Variants in TFCP2L1 observed in about 807,000 individuals in gnomAD.
TFCP2L1 encodes transcription factor CP2 like 1.
In TFCP2L1, 12 loss-of-function variants were observed where a neutral mutation model predicts 72.2. That is an observed-to-expected ratio of 0.17 (90% CI 0.11 to 0.27). The LOEUF is 0.27. Ranked by LOEUF, TFCP2L1 falls within the 10% of genes least tolerant of loss-of-function variation. The pLI is 1.00. For missense variants in TFCP2L1, 488 were observed against 624.6 expected, an observed-to-expected ratio of 0.78 and a Z score of 2.33; for synonymous variants, 260 against 251.0, an observed-to-expected ratio of 1.04 and a Z score of -0.34.
chr2:121,273,799 C>T (rs988674977), intron 2 of TFCP2L1, among the ~76,000 whole-genome samples: 1 of 152,150 alleles, frequency 6.6e-6, no homozygotes, highest in African/African-American at 2.4e-5. Context: ...TTTCAATTAA[C>T]GAAAAATGTC....
At chr2:121,268,018 C>A (rs1406571473) in intron 2 of TFCP2L1, among the ~76,000 whole-genome samples, 1 of 152,130 alleles carries the variant, frequency 6.6e-6, no homozygotes, top group Non-Finnish European at 1.5e-5. Context: ...GTTAGCCAGG[C>A]TAAAGATTGC....
intron 5 of TFCP2L1, 82 bp downstream of exon 5, chr2:121,248,082 G>T: frequency 1.7e-6 from 2 of 1,183,874 alleles, no homozygotes; most frequent in Non-Finnish European, 2.4e-6. Flanking sequence ...GACCCTCCCA[G>T]ATGGGTTAGT....
intron 6 of TFCP2L1, among the ~76,000 whole-genome samples, chr2:121,243,522 C>T (rs1488461497): frequency 1.3e-5 from 2 of 152,324 alleles, no homozygotes; most frequent in East Asian, 3.9e-4. Context: ...TCATCTTCAT[C>T]TTACTGTGAA....
chr2:121,228,963 C>A (rs111819670), intron 13 of TFCP2L1, among the ~76,000 whole-genome samples: 3,002 of 151,828 alleles, frequency 0.02, 116 homozygotes, highest in African/African-American at 0.067. Context: ...TCTGTTGCCC[C>A]GGCTGGAGTG....
At chr2:121,249,172 T>A in intron 3 of TFCP2L1, 85 bp from the exon 4 acceptor site, 1 of 1,102,624 alleles carries the variant, frequency 9.1e-7, no homozygotes, top group South Asian at 1.7e-5. Context: ...CAGTAAACCC[T>A]CCCACCTTTG....
chr2:121,271,200 TAA>T (rs70954542), intron 2 of TFCP2L1, among the ~76,000 whole-genome samples: 20 of 129,986 alleles, frequency 1.5e-4, no homozygotes, highest in Admixed American at 3.9e-4. Context: ...AAAATAAAAA[TAA>T]AAAAAAAAAA....
Position 121,231,814 on chromosome 2 carries a change from A to G in TFCP2L1, c.1341+12T>C. 1 of 1,611,974 alleles carries G rather than the reference A, an allele frequency of 6.2e-7. No individual in the cohort carries two copies. The highest frequency in any genetic ancestry group is 8.5e-7 in the Non-Finnish European group (1 of 1,179,054). ...AGCCCGTTGTCGGGGCAGGCCAGGCAGCAGCCCTCACCTCGTTGCTCACCA... is the reference window on the plus strand; with the variant it reads ...AGCCCGTTGTCGGGGCAGGCCAGGCGGCAGCCCTCACCTCGTTGCTCACCA... On this transcript the variant is annotated intron_variant, in intron 13 of 14. Transcript: ENST00000263707.
intron 2 of TFCP2L1, among the ~76,000 whole-genome samples, chr2:121,263,316 T>A (rs1407500331): frequency 6.6e-6 from 1 of 152,146 alleles, no homozygotes; most frequent in Non-Finnish European, 1.5e-5. Flanking sequence ...GTATCCATAG[T>A]AGATGAACAA....
chr2:121,238,674 G>A (rs577383642), intron 8 of TFCP2L1, among the ~76,000 whole-genome samples: 11 of 152,106 alleles, frequency 7.2e-5, no homozygotes, highest in Admixed American at 2.6e-4. Flanking sequence ...TGTTCCTCCC[G>A]ACCCTGTGTA....
chr2:121,283,748 C>G (rs1354433687), intron 1 of TFCP2L1, among the ~76,000 whole-genome samples: 1 of 152,222 alleles, frequency 6.6e-6, no homozygotes, highest in Non-Finnish European at 1.5e-5. Flanking sequence ...TACTTAATGG[C>G]AGCAAACTAA....
chr2:121,240,408 G>C (rs1180189967), intron 7 of TFCP2L1: 1 of 985,308 alleles, frequency 1.0e-6, no homozygotes, highest in Non-Finnish European at 1.2e-6. Flanking sequence ...TGCCTCTTCA[G>C]AGAGGGCCAA....
At chr2:121,282,581 A>T (rs1247918731) in intron 1 of TFCP2L1, among the ~76,000 whole-genome samples, 1 of 152,078 alleles carries the variant, frequency 6.6e-6, no homozygotes. Flanking sequence ...TGCCCTTACA[A>T]GGGACAAAGA....
At chr2:121,232,400 A>G (rs2104668741) in intron 12 of TFCP2L1, among the ~76,000 whole-genome samples, 1 of 152,178 alleles carries the variant, frequency 6.6e-6, no homozygotes, top group South Asian at 2.1e-4. Flanking sequence ...CAGCCTCCCA[A>G]AGTGCTGGGA....
In TFCP2L1 at chr2:121,231,855, T is replaced by C. The variant is rs1013827089; in HGVS notation, c.1312A>G (p.Thr438Ala). The C allele has an allele frequency of 6.2e-7, 1 of 1,612,500 alleles. No individual in the cohort carries two copies. Among genetic ancestry groups the C allele is most frequent in the Non-Finnish European group, 8.5e-7 (1 of 1,179,246 alleles). The change falls in exon 13 of 15, where the codon ACG becomes GCG. Residue 438 changes from threonine (T) to alanine (A), a missense_variant. Physicochemically the swap from Thr to Ala is moderately conservative, Grantham distance 58. Around this residue, in one of 3 missense-constraint regions of TFCP2L1, gnomAD observed 286 missense variants for 329.0 expected, o/e 0.87. Coordinates refer to ENST00000263707, the MANE Select transcript of TFCP2L1 (RefSeq NM_014553.3). ...HIHRVYRQGP[T>A]GIHVVVSNEM... ...TTGCTCACCACCACATGGATGCCCG[T>C]GGGGCCCTGCCGGTAGACTCGGTGG...
At chr2:121,270,877 CTTT>C (rs35234824) in intron 2 of TFCP2L1, among the ~76,000 whole-genome samples, 5 of 136,844 alleles carry the variant, frequency 3.7e-5, no homozygotes, top group Admixed American at 7.3e-5. Flanking sequence ...TCTAAACACA[CTTT>C]TTTTTTTTTT....
intron 12 of TFCP2L1, among the ~76,000 whole-genome samples, chr2:121,232,470 C>T (rs1254472055): frequency 6.6e-6 from 1 of 152,098 alleles, no homozygotes; most frequent in Non-Finnish European, 1.5e-5. Context: ...CTCGGTCTCT[C>T]TTGGGGTGCT....
In TFCP2L1 at chr2:121,224,327, A is replaced by G; in HGVS notation, c.*14T>C. ...GGGCTGGGAGCTGGAGACAGGTATG[A>G]GGTCCACTGCTGCTCAGAGTCCACA... On this transcript the variant is annotated 3_prime_UTR_variant, in exon 15 of 15. Transcript: ENST00000263707. 6.2e-7 allele frequency: 1 copy of G among 1,613,824 alleles called. No homozygotes were observed. Among genetic ancestry groups the G allele is most frequent in the South Asian group, 1.1e-5 (1 of 90,976 alleles).
At chr2:121,248,406 C>T (rs931119549) in intron 4 of TFCP2L1, 136 bp from the exon 5 acceptor site, 21 of 663,684 alleles carry the variant, frequency 3.2e-5, no homozygotes, top group Non-Finnish European at 4.8e-5. Flanking sequence ...TTTTGCATAA[C>T]TTACTGGACG....
intron 2 of TFCP2L1, among the ~76,000 whole-genome samples, chr2:121,255,523 C>G (rs762122291): frequency 9.2e-5 from 14 of 152,202 alleles, no homozygotes; most frequent in Non-Finnish European, 1.6e-4. Context: ...TAAGAAAAGT[C>G]TATTGTTTCC....
Sources: gnomAD v4.1 joint callset for allele counts (sites outside exome capture counted in the v4.1 genomes callset) on GRCh38, gnomAD v4.1.1 for gene constraint, gnomAD v4.1.1 regional missense constraint, MANE v1.5 for transcripts, NCBI Gene and HGNC (gene_info 2026-07-23, HGNC 2026-07-21) for gene names.